Variants in FKBP5 observed in about 807,000 individuals in gnomAD.
FKBP5 encodes peptidyl-prolyl cis-trans isomerase FKBP5.
Under a neutral mutation model 50.5 loss-of-function variants are expected in FKBP5, and 23 were observed. The ratio of observed to expected loss-of-function variants is 0.46; its 90% CI spans 0.33 to 0.65. The LOEUF (loss-of-function observed/expected upper bound fraction) is 0.65, where lower values mean the gene tolerates loss of function less well. Ranked by LOEUF, FKBP5 falls within the 30% of genes least tolerant of loss-of-function variation. FKBP5 has a pLI of 0.02. For missense variants in FKBP5, 411 were observed against 553.1 expected (o/e 0.74, Z 2.58); for synonymous variants, 176 against 190.6 (o/e 0.92, Z 0.63).
At chr6:35,608,116 A>T (rs1487053796) in intron 5 of FKBP5, among the ~76,000 whole-genome samples, 1 of 152,180 alleles carries the variant, frequency 6.6e-6, no homozygotes, top group African/African-American at 2.4e-5. Flanking sequence ...GTGAATTAAC[A>T]CAGAAACAGA....
intron 6 of FKBP5, among the ~76,000 whole-genome samples, chr6:35,592,856 C>G (rs374972702): frequency 6.6e-6 from 1 of 150,896 alleles, no homozygotes; most frequent in Non-Finnish European, 1.5e-5. Context: ...CTACAATGCA[C>G]GTGACAGCCC....
chr6:35,614,805 A>C (rs946363270), intron 5 of FKBP5, among the ~76,000 whole-genome samples: 2 of 152,274 alleles, frequency 1.3e-5, no homozygotes, highest in East Asian at 3.9e-4. Context: ...TGCAACTGCC[A>C]GTGAGTATCC....
At chr6:35,716,335 C>T (rs954184318) in intron 2 of FKBP5, among the ~76,000 whole-genome samples, 6 of 152,024 alleles carry the variant, frequency 3.9e-5, no homozygotes, top group Middle Eastern at 3.4e-3. Flanking sequence ...ATTGTGCCAC[C>T]GCACTCGTCT....
rs550815514 is a variant in FKBP5 at position 35,708,261 on chromosome 6, AT to A, written c.-20+12066del. Among the ~76,000 whole-genome samples, 293 of 152,164 alleles carry A rather than the reference AT, an allele frequency of 1.9e-3. 4 individuals are homozygous for A. Among genetic ancestry groups the A allele is most frequent in the East Asian group, 1.2e-3 (6 of 5,184 alleles). ...AATAATGGTACATTCGTACAATGGAATTCTTTTTCTTGGGACAGAGTCTCCC... is the reference window on the plus strand; with the variant it reads ...AATAATGGTACATTCGTACAATGGAATCTTTTTCTTGGGACAGAGTCTCCC... On this transcript the variant is annotated intron_variant, in intron 2 of 11. Transcript: ENST00000536438.
intron 5 of FKBP5, among the ~76,000 whole-genome samples, chr6:35,610,705 A>G (rs189079665): frequency 1.5e-5 from 2 of 137,266 alleles, no homozygotes; most frequent in African/African-American, 5.4e-5. Context: ...TTTCTATTTT[A>G]TTTTAGAACC....
At chr6:35,603,685 A>T (rs1370421089) in intron 5 of FKBP5, among the ~76,000 whole-genome samples, 1 of 151,878 alleles carries the variant, frequency 6.6e-6, no homozygotes, top group East Asian at 1.9e-4. Flanking sequence ...CAGCAACAAA[A>T]GACTGTTTTC....
chr6:35,722,054 A>C (rs1766619888), intron 1 of FKBP5, among the ~76,000 whole-genome samples: 1 of 151,994 alleles, frequency 6.6e-6, no homozygotes, highest in South Asian at 2.1e-4. Context: ...GCTCAAATAT[A>C]ACCTTCCTCA....
At chr6:35,625,856 C>T (rs1405828142) in intron 3 of FKBP5, among the ~76,000 whole-genome samples, 2 of 150,260 alleles carry the variant, frequency 1.3e-5, no homozygotes, top group South Asian at 2.1e-4. Context: ...CTCTGCTCAC[C>T]GCAAGCTCCG....
intron 2 of FKBP5, among the ~76,000 whole-genome samples, chr6:35,638,948 C>CCAGAGAGT (rs1181614009): frequency 6.6e-6 from 1 of 152,084 alleles, no homozygotes; most frequent in African/African-American, 2.4e-5. Context: ...TGAATGGCTA[C>CCAGAGAGT]CAGAGAGTCA....
At chr6:35,691,645 G>C (rs1765990019), upstream of FKBP5, among the ~76,000 whole-genome samples, 1 of 152,082 alleles carries the variant, frequency 6.6e-6, no homozygotes. Context: ...AGCCTTGCTA[G>C]CCCCACCCAC....
intron 9 of FKBP5, among the ~76,000 whole-genome samples, chr6:35,578,058 A>C (rs1462318340): frequency 7.8e-4 from 19 of 24,278 alleles, no homozygotes; most frequent in Admixed American, 4.7e-3. Flanking sequence ...TTGTCTCCAA[A>C]AAAAAAAAAA....
upstream of FKBP5, among the ~76,000 whole-genome samples, chr6:35,693,193 G>C (rs1375192660): frequency 8.5e-6 from 1 of 117,608 alleles, no homozygotes; most frequent in Non-Finnish European, 1.6e-5. Flanking sequence ...GATGGAGCCT[G>C]GCTCTGTTGC....
rs1463356637 is a variant in FKBP5, at chr6:35,597,105, C to T, written c.665+143G>A. 11 of 831,802 alleles carry T rather than the reference C, an allele frequency of 1.3e-5. 1 individual carries two copies. The highest frequency in any genetic ancestry group is 9.9e-5 in the East Asian group (4 of 40,518). The allele number at this position is 831,802 out of a possible 1,614,324, so 51.5% of individuals were successfully genotyped here. A position where few individuals can be genotyped will look rare whatever the true frequency, so the allele number is the denominator to read the frequency against. On this transcript the variant is annotated intron_variant, in intron 6 of 10. Coordinates refer to ENST00000357266, the MANE Select transcript of FKBP5 (RefSeq NM_004117.4). ...TGATATTGTAAGGCCCATTAATTTA[C>T]GTGATGACTAACTGCAGCCTGATTT... is the stretch of plus-strand genomic sequence containing the variant.
intron 1 of FKBP5, among the ~76,000 whole-genome samples, chr6:35,724,826 T>TTAC (rs1414266616): frequency 2.0e-5 from 3 of 151,680 alleles, no homozygotes; most frequent in African/African-American, 7.3e-5. Flanking sequence ...CTGAGCTCTG[T>TTAC]TATTTTTCTG....
intron 9 of FKBP5, among the ~76,000 whole-genome samples, chr6:35,578,912 A>G (rs1043982262): frequency 1.3e-5 from 2 of 152,152 alleles, no homozygotes; most frequent in African/African-American, 2.4e-5. Flanking sequence ...GTACCTCACA[A>G]CTTTAATCCC....
At chr6:35,647,819 C>T (rs1222766706) in intron 1 of FKBP5, among the ~76,000 whole-genome samples, 2 of 152,178 alleles carry the variant, frequency 1.3e-5, no homozygotes, top group African/African-American at 2.4e-5. Flanking sequence ...TGTCAAGGTA[C>T]TTGTCTTCTT....
chr6:35,623,018 G>A (rs1200029862), intron 3 of FKBP5, among the ~76,000 whole-genome samples: 2 of 152,130 alleles, frequency 1.3e-5, no homozygotes, highest in African/African-American at 2.4e-5. Context: ...TGAGGCGGGC[G>A]GATCACAAAG....
chr6:35,610,456 T>C (rs1763456183), intron 5 of FKBP5, among the ~76,000 whole-genome samples: 1 of 147,778 alleles, frequency 6.8e-6, no homozygotes, highest in Non-Finnish European at 1.5e-5. Flanking sequence ...TAGTCCCAGC[T>C]ACTCAGGAGG....
intron 6 of FKBP5, among the ~76,000 whole-genome samples, chr6:35,594,621 T>C (rs749306882): frequency 1.3e-5 from 2 of 151,990 alleles, no homozygotes; most frequent in Admixed American, 6.6e-5. Flanking sequence ...ACAGCATGCA[T>C]ACACACACAC....
Sources: gnomAD v4.1 joint callset for allele counts (sites outside exome capture counted in the v4.1 genomes callset) on GRCh38, gnomAD v4.1.1 for gene constraint, MANE v1.5 for transcripts, NCBI Gene and HGNC (gene_info 2026-07-23, HGNC 2026-07-21) for gene names.